ATAD2B: variants seen among roughly 807,000 people sequenced by gnomAD.
ATAD2B encodes the protein ATPase family AAA domain-containing protein 2B.
In ATAD2B, 40 loss-of-function variants were observed where a neutral mutation model predicts 167.6. That is an observed-to-expected ratio of 0.24 (90% CI 0.19 to 0.31). The LOEUF is 0.31. Among genes scored for constraint, ATAD2B ranks in the 10% least tolerant of loss-of-function variants. ATAD2B has a pLI of 1.00. For missense variants in ATAD2B, 1,242 were observed against 1,757.2 expected, an observed-to-expected ratio of 0.71 and a Z score of 5.24; for synonymous variants, 579 against 596.5, an observed-to-expected ratio of 0.97 and a Z score of 0.43.
At chr2:23,695,100 G>A in the ATAD2B span, among the ~76,000 whole-genome samples, 3 of 152,132 alleles carry the variant, frequency 2.0e-5, no homozygotes, top group Admixed American at 1.3e-4. The surrounding 1 kb of genome is among the most constrained non-coding windows in gnomAD (Gnocchi z 7.6). Flanking sequence ...GTTTGAGGCC[G>A]TGGGACATGG....
At chr2:23,730,665 C>CAAAAAAAAAAAAAAAAAAA in the ATAD2B span, among the ~76,000 whole-genome samples, 3 of 31,986 alleles carry the variant, frequency 9.4e-5, no homozygotes, top group East Asian at 1.2e-3. Flanking sequence ...GACTCCGTTT[C>CAAAAAAAAAAAAAAAAAAA]AAAAAAAAAA....
chr2:23,909,901 T>C (rs1314606258), intron 1 of ATAD2B, among the ~76,000 whole-genome samples: 2 of 151,870 alleles, frequency 1.3e-5, no homozygotes, highest in Admixed American at 6.6e-5. Context: ...TGAGATATTA[T>C]TGCCAGGCTG....
intron 7 of ATAD2B, among the ~76,000 whole-genome samples, chr2:23,877,382 T>A (rs1376490557): frequency 6.7e-6 from 1 of 150,278 alleles, no homozygotes; most frequent in East Asian, 2.0e-4. Flanking sequence ...TAATCCCAGC[T>A]ACTTAAGAGG....
At chr2:23,867,688 C>T in intron 10 of ATAD2B, 147 bp downstream of exon 10, 1 of 579,380 alleles carries the variant, frequency 1.7e-6, no homozygotes, top group Non-Finnish European at 3.0e-6. Flanking sequence ...CCACTTGTGG[C>T]TAGGGTTCTT....
At chr2:23,763,253 C>T (rs868082143) in intron 23 of ATAD2B, among the ~76,000 whole-genome samples, 29 of 152,194 alleles carry the variant, frequency 1.9e-4, no homozygotes, top group Middle Eastern at 3.2e-3. Context: ...TCCATCCCTG[C>T]GGCTACATCT....
chr2:23,694,343 TG>T, the ATAD2B span, among the ~76,000 whole-genome samples: 1 of 152,222 alleles, frequency 6.6e-6, no homozygotes, highest in Non-Finnish European at 1.5e-5. Context: ...CCCCTTTAAG[TG>T]GATCGACTTC....
intron 22 of ATAD2B, among the ~76,000 whole-genome samples, chr2:23,769,982 C>A (rs1274895515): frequency 6.6e-6 from 1 of 151,550 alleles, no homozygotes; most frequent in East Asian, 2.0e-4. Context: ...CTGTACCCGG[C>A]CTCACTGTGG....
At chr2:23,799,276 T>C (rs940526416) in intron 18 of ATAD2B, among the ~76,000 whole-genome samples, 2 of 152,102 alleles carry the variant, frequency 1.3e-5, no homozygotes, top group African/African-American at 4.8e-5. Context: ...ATACAAGATA[T>C]AGAAATAAGA....
chr2:23,800,267 A>C (rs905987774), intron 18 of ATAD2B, among the ~76,000 whole-genome samples: 3 of 152,142 alleles, frequency 2.0e-5, no homozygotes, highest in Non-Finnish European at 4.4e-5. Flanking sequence ...AAACCTCACA[A>C]AGCCAATCAC....
At chr2:23,879,853 G>A (rs1229344728) in intron 7 of ATAD2B, among the ~76,000 whole-genome samples, 3 of 151,828 alleles carry the variant, frequency 2.0e-5, no homozygotes, top group East Asian at 1.9e-4. Flanking sequence ...TCAGGAGTTC[G>A]AGACCAGCCT....
chr2:23,919,114 G>T (rs554200471), intron 1 of ATAD2B, among the ~76,000 whole-genome samples: 3 of 152,150 alleles, frequency 2.0e-5, no homozygotes, highest in Non-Finnish European at 2.9e-5. Context: ...AGGCCAAGGT[G>T]GGAGGATTGC....
intron 17 of ATAD2B, among the ~76,000 whole-genome samples, chr2:23,814,993 T>C (rs371965215): frequency 6.7e-6 from 1 of 150,292 alleles, no homozygotes. Context: ...GAGGTGGAGG[T>C]TGCAGTGAGC....
chr2:23,738,098 G>A, the ATAD2B span, among the ~76,000 whole-genome samples: 16 of 152,212 alleles, frequency 1.1e-4, no homozygotes, highest in Admixed American at 9.8e-4. Flanking sequence ...GTGACGGGGA[G>A]AATGGAACCA....
chr2:23,798,357 C>T, intron 18 of ATAD2B, 34 bp from the exon 19 acceptor site: 1 of 1,492,856 alleles, frequency 6.7e-7, no homozygotes, highest in South Asian at 1.2e-5. Flanking sequence ...TTAAACAACT[C>T]AAATTGATTA....
chr2:23,742,311 CCAA>C, the ATAD2B span, among the ~76,000 whole-genome samples: 7 of 152,004 alleles, frequency 4.6e-5, no homozygotes, highest in Admixed American at 2.0e-4. Context: ...ACCTAAATGT[CCAA>C]CAACGATAGA....
At chr2:23,716,748 T>C in the ATAD2B span, among the ~76,000 whole-genome samples, 3 of 152,202 alleles carry the variant, frequency 2.0e-5, no homozygotes, top group African/African-American at 7.2e-5. Context: ...CAGCCTCCTC[T>C]GATGTTTCAT....
the ATAD2B span, chr2:23,697,592 T>C: frequency 6.6e-6 from 1 of 152,240 alleles, no homozygotes; most frequent in Non-Finnish European, 1.5e-5. Context: ...AATTGGACAC[T>C]TGACAAATGT....
chr2:23,911,580 A>G (rs1702310272), intron 1 of ATAD2B, among the ~76,000 whole-genome samples: 1 of 150,958 alleles, frequency 6.6e-6, no homozygotes, highest in African/African-American at 2.4e-5. Context: ...GAAGAAGAGG[A>G]GAAAGAAGAG....
Position 23,792,962 on chromosome 2 carries a change from C to CAAT in ATAD2B, c.2641-4316_2641-4315insATT, listed in dbSNP as rs368967798. On this transcript the variant is annotated intron_variant, in intron 19 of 27. Transcript: ENST00000238789. ...TGGGCAACAGCGAGAGACTCTGTCT[C>CAAT]AAAAAAAAAAAAAAAAAAAAAAAAA... Among the ~76,000 whole-genome samples, 216 of 42,550 alleles carry CAAT rather than the reference C, an allele frequency of 5.1e-3. 6 individuals carry two copies. The highest frequency in any genetic ancestry group is 6.8e-3 in the Non-Finnish European group (176 of 25,926). The allele number at this position is 42,550 out of a possible 152,430, so 27.9% of individuals were successfully genotyped here. A position where few individuals can be genotyped will look rare whatever the true frequency, so the allele number is the denominator to read the frequency against.
Sources: allele counts gnomAD v4.1 joint callset (sites outside exome capture counted in the v4.1 genomes callset), GRCh38; gene constraint gnomAD v4.1.1; non-coding constraint Gnocchi (gnomAD v3.1); transcripts MANE v1.5; gene names NCBI Gene and HGNC (gene_info 2026-07-23, HGNC 2026-07-21).